Variants in TNKS1BP1 observed in about 807,000 individuals in gnomAD.
TNKS1BP1 encodes 182 kDa tankyrase-1-binding protein.
In TNKS1BP1, 48 loss-of-function variants were observed where a neutral mutation model predicts 141.1. The ratio of observed to expected loss-of-function variants is 0.34; its 90% CI spans 0.27 to 0.43. The LOEUF (loss-of-function observed/expected upper bound fraction) is 0.43. Among genes scored for constraint, TNKS1BP1 ranks in the 20% least tolerant of loss-of-function variants. TNKS1BP1 has a pLI of 1.00. For missense variants in TNKS1BP1, 2,149 were observed against 2,226.0 expected, an observed-to-expected ratio of 0.97 and a Z score of 0.70; for synonymous variants, 875 against 898.2, an observed-to-expected ratio of 0.97 and a Z score of 0.46.
chr11:57,301,761 A>G, intron 9 of TNKS1BP1, 46 bp downstream of exon 9: 1 of 1,588,492 alleles, frequency 6.3e-7, no homozygotes, highest in Non-Finnish European at 8.6e-7. Context: ...CAAGGTGGCC[A>G]CCTGGCCAGA....
In TNKS1BP1 at chr11:57,321,950, C is replaced by A; in HGVS notation, c.-65G>T. 1 of 1,589,600 alleles carries A rather than the reference C, an allele frequency of 6.3e-7. No homozygotes were observed. The highest frequency in any genetic ancestry group is 1.1e-5 in the South Asian group (1 of 87,710). ...AGGTATGAGCTGGGGTGGCTGCAGACCTAGGAAAAGAGAGAGAAGAGAAGG... is the reference window on the plus strand; with the variant it reads ...AGGTATGAGCTGGGGTGGCTGCAGAACTAGGAAAAGAGAGAGAAGAGAAGG... On this transcript the variant is annotated splice_region_variant and 5_prime_UTR_variant, in exon 2 of 12. Coordinates refer to ENST00000358252, the MANE Select transcript of TNKS1BP1 (RefSeq NM_033396.3).
At position 57,313,407 on chromosome 11, in the gene TNKS1BP1, T is replaced by A; in HGVS notation, c.1281A>T (p.Arg427=). The stretch of plus-strand genomic sequence containing the variant: ...GTGACTGGAGCACACCTTCAGAGAA[T>A]CGGCGCTGAACCAGGCTGGTGGGGC... ...HLRPTSLVQR[R]FSEGVLQSPS... Residue 427 remains arginine, a synonymous_variant, in exon 5 of 12, where the codon CGA becomes CGT. Transcript: ENST00000358252. The A allele has an allele frequency of 6.2e-7, 1 of 1,611,996 alleles. No homozygotes were observed. The highest frequency in any genetic ancestry group is 8.5e-7 in the Non-Finnish European group (1 of 1,179,226).
Position 57,317,667 on chromosome 11 carries a change from G to A in TNKS1BP1, c.798+151C>T, listed in dbSNP as rs994023459. 20 of 841,156 alleles carry A rather than the reference G, an allele frequency of 2.4e-5. No individual in the cohort carries two copies. The Admixed American group carries it at 2.9e-4, about 12-fold the overall frequency. The allele number at this position is 841,156 out of a possible 1,614,324, so 52.1% of individuals were successfully genotyped here. A position where few individuals can be genotyped will look rare whatever the true frequency, so the allele number is the denominator to read the frequency against. Reference sequence around the variant, plus strand: ...GATCAAGAGCACTGGCCCAGGAGTCGAAAAATCCCAGGGCCAGCCCTCCAG... The same window carrying A: ...GATCAAGAGCACTGGCCCAGGAGTCAAAAAATCCCAGGGCCAGCCCTCCAG... On this transcript the variant is annotated intron_variant, in intron 4 of 11. Coordinates refer to ENST00000358252, the MANE Select transcript of TNKS1BP1 (RefSeq NM_033396.3).
At chr11:57,311,441 G>T in intron 5 of TNKS1BP1, 1 of 985,728 alleles carries the variant, frequency 1.0e-6, no homozygotes, top group Non-Finnish European at 1.2e-6. Context: ...GCTGCTACCC[G>T]CGCTGGGACC....
chr11:57,313,512 G>A lies in TNKS1BP1; in HGVS notation c.1176C>T (p.Ile392=), dbSNP rs559834214. ...TGAGATCCAGCAACTCACCCACCTC[G>A]ATCAGGGGCCGGGGTGAGGTGGCAG... ...QPPATSPRPL[I]EVGELLDLTR... The change falls in exon 5 of 12, where the codon ATC becomes ATT. Residue 392 remains isoleucine (I), a synonymous_variant. Transcript: ENST00000358252. The A allele has an allele frequency of 2.6e-5, 41 of 1,573,042 alleles. No homozygotes were observed. The highest frequency in any genetic ancestry group is 7.1e-5 in the Admixed American group (4 of 56,176).
At chr11:57,300,814 AGTG>A in intron 10 of TNKS1BP1, 67 bp downstream of exon 10, 1 of 1,565,944 alleles carries the variant, frequency 6.4e-7, no homozygotes, top group Non-Finnish European at 8.7e-7. Flanking sequence ...TCTTCTGTGA[AGTG>A]AGAGTTTCCC....
intron 6 of TNKS1BP1, among the ~76,000 whole-genome samples, chr11:57,307,306 G>A (rs957303939): frequency 6.6e-6 from 1 of 151,970 alleles, no homozygotes; most frequent in Non-Finnish European, 1.5e-5. Flanking sequence ...CTAGTCCTGC[G>A]CCCTCCCCTC....
chr11:57,316,917 G>A (rs1316092758), intron 4 of TNKS1BP1, among the ~76,000 whole-genome samples: 1 of 152,138 alleles, frequency 6.6e-6, no homozygotes, highest in African/African-American at 2.4e-5. Context: ...AGGCCTTCGA[G>A]ACTTGACACA....
At chr11:57,324,727 C>T (rs1450240886) in intron 1 of TNKS1BP1, 113 bp downstream of exon 1, 1 of 957,228 alleles carries the variant, frequency 1.0e-6, no homozygotes, top group Non-Finnish European at 1.2e-6. Context: ...CCCCCGACCA[C>T]CACCACCTCA....
chr11:57,320,022 A>ACCCCCCCC, intron 3 of TNKS1BP1, 57 bp downstream of exon 3: 8 of 1,118,674 alleles, frequency 7.2e-6, no homozygotes, highest in East Asian at 6.2e-5. Context: ...CCCCCACCCA[A>ACCCCCCCC]TCCCACCCCA....
At chr11:57,308,336 T>C (rs1855644206) in intron 6 of TNKS1BP1, 59 bp downstream of exon 6, 5 of 1,534,606 alleles carry the variant, frequency 3.3e-6, no homozygotes, top group Non-Finnish European at 4.4e-6. Flanking sequence ...AAGGTTCCGA[T>C]TTCTTGGACA....
chr11:57,314,156 G>A (rs558890759), intron 4 of TNKS1BP1, among the ~76,000 whole-genome samples: 81 of 152,284 alleles, frequency 5.3e-4, no homozygotes, highest in African/African-American at 1.9e-3. Context: ...CAGGTGGTTG[G>A]AACCCCTCAC....
In TNKS1BP1 at chr11:57,312,698, C is replaced by T. The variant is rs199570057; in HGVS notation, c.1990G>A (p.Glu664Lys). 1.5e-4 allele frequency: 230 copies of T among 1,569,622 alleles called. No individual in the cohort carries two copies. The highest frequency in any genetic ancestry group is 1.8e-4 in the Non-Finnish European group (208 of 1,157,686). ...ARAETTQART[E>K]AQDLCRASPE... ...GATGCCCTACACAAGTCTTGAGCCTCTGTCCTGGCTTGGGTGGTCTCAGCC... is the reference window on the plus strand; with the variant it reads ...GATGCCCTACACAAGTCTTGAGCCTTTGTCCTGGCTTGGGTGGTCTCAGCC... Residue 664 changes from glutamate to lysine, a missense_variant, in exon 5 of 12, where the codon GAG (glutamate) becomes AAG (lysine). Coordinates refer to ENST00000358252, the MANE Select transcript of TNKS1BP1 (RefSeq NM_033396.3).
chr11:57,307,851 C>T (rs530664535), intron 6 of TNKS1BP1, among the ~76,000 whole-genome samples: 21 of 152,204 alleles, frequency 1.4e-4, no homozygotes, highest in Non-Finnish European at 2.6e-4. Flanking sequence ...GCCAGGTCCC[C>T]ATACCCTTCA....
intron 1 of TNKS1BP1, chr11:57,322,412 C>T: frequency 1.5e-6 from 1 of 662,004 alleles, no homozygotes; most frequent in Middle Eastern, 7.6e-4. Context: ...TTCCCACTCA[C>T]CCTCCTTCCC....
chr11:57,305,347 A>T (rs1056230254), intron 6 of TNKS1BP1, among the ~76,000 whole-genome samples: 2 of 152,222 alleles, frequency 1.3e-5, no homozygotes, highest in Non-Finnish European at 2.9e-5. Context: ...AATACAACAA[A>T]TTATTAGGAT....
chr11:57,316,885 A>G (rs1156886621), intron 4 of TNKS1BP1, among the ~76,000 whole-genome samples: 1 of 152,120 alleles, frequency 6.6e-6, no homozygotes, highest in Admixed American at 6.5e-5. Flanking sequence ...TGTTGCTCTC[A>G]CTGAAGCCAA....
chr11:57,313,512 G>C lies in TNKS1BP1; in HGVS notation c.1176C>G (p.Ile392Met), dbSNP rs559834214. Residue 392 changes from isoleucine to methionine, a missense_variant, in exon 5 of 12, where the codon ATC becomes ATG. Transcript: ENST00000358252. ...QPPATSPRPL[I>M]EVGELLDLTR... is the part of the protein sequence containing the mutation. ...TGAGATCCAGCAACTCACCCACCTCGATCAGGGGCCGGGGTGAGGTGGCAG... is the reference window on the plus strand; with the variant it reads ...TGAGATCCAGCAACTCACCCACCTCCATCAGGGGCCGGGGTGAGGTGGCAG... 1.3e-6 allele frequency: 2 copies of C among 1,573,160 alleles called. No homozygotes were observed. The highest frequency in any genetic ancestry group is 3.6e-5 in the Admixed American group (2 of 56,196).
chr11:57,321,089 C>T (rs1277543396), intron 2 of TNKS1BP1, among the ~76,000 whole-genome samples: 1 of 152,162 alleles, frequency 6.6e-6, no homozygotes, highest in Non-Finnish European at 1.5e-5. Flanking sequence ...ATCAAGCAGT[C>T]AGCCCCCCCA....
Sources: allele counts gnomAD v4.1 joint callset (sites outside exome capture counted in the v4.1 genomes callset), GRCh38; gene constraint gnomAD v4.1.1; transcripts MANE v1.5; gene names NCBI Gene and HGNC (gene_info 2026-07-23, HGNC 2026-07-21).